Variants in ADAM10 observed in about 807,000 individuals in gnomAD.
The protein encoded by ADAM10 is ADAM metallopeptidase domain 10.
ADAM10 carries 17 observed loss-of-function variants against 90.1 expected under a neutral mutation model. The observed-to-expected ratio is 0.19, with a 90% CI of 0.13 to 0.28. The LOEUF is 0.28. Among genes scored for constraint, ADAM10 ranks in the 10% least tolerant of loss-of-function variants. ADAM10 has a pLI of 1.00. For synonymous variants in ADAM10, 310 were observed against 298.6 expected (o/e 1.04, Z -0.40); for missense variants, 610 against 914.3 (o/e 0.67, Z 4.29).
chr15:58,702,601 A>G (rs568843840), intron 2 of ADAM10, among the ~76,000 whole-genome samples: 1 of 152,216 alleles, frequency 6.6e-6, no homozygotes, highest in Non-Finnish European at 1.5e-5. Context: ...ATGTATTTAA[A>G]TTTTTTAAAA....
chr15:58,671,957 CA>C (rs552077480), intron 4 of ADAM10, among the ~76,000 whole-genome samples: 10 of 152,052 alleles, frequency 6.6e-5, no homozygotes, highest in African/African-American at 2.2e-4. Flanking sequence ...TCATACTGCA[CA>C]AGTTTTATAA....
At chr15:58,737,078 G>A (rs1899455510) in intron 1 of ADAM10, among the ~76,000 whole-genome samples, 1 of 152,040 alleles carries the variant, frequency 6.6e-6, no homozygotes, top group African/African-American at 2.4e-5. Flanking sequence ...GAGAGCTTAG[G>A]AGAGCTCTCC....
intron 15 of ADAM10, among the ~76,000 whole-genome samples, chr15:58,598,082 CTT>C (rs1376448367): frequency 2.0e-5 from 3 of 152,154 alleles, no homozygotes; most frequent in African/African-American, 2.4e-5. Flanking sequence ...TACTAAGTGT[CTT>C]TGAGCAAATG....
intron 2 of ADAM10, among the ~76,000 whole-genome samples, chr15:58,706,759 C>G (rs1287703342): frequency 6.6e-6 from 1 of 152,050 alleles, no homozygotes; most frequent in Non-Finnish European, 1.5e-5. Flanking sequence ...GCCTGTAATT[C>G]CAGAACTTTG....
chr15:58,681,350 T>C (rs966193619), intron 3 of ADAM10, among the ~76,000 whole-genome samples: 1 of 152,200 alleles, frequency 6.6e-6, no homozygotes, highest in Non-Finnish European at 1.5e-5. Flanking sequence ...AGGTTTATTC[T>C]ACAAATGAGA....
intron 2 of ADAM10, chr15:58,692,452 T>A (rs775891035): frequency 1.9e-6 from 1 of 534,790 alleles, no homozygotes; most frequent in Non-Finnish European, 3.8e-6. Context: ...GGAACCCACA[T>A]CTTCAGTCTT....
chr15:58,682,168 A>T, intron 3 of ADAM10, 28 bp downstream of exon 3: 2 of 1,606,814 alleles, frequency 1.2e-6, no homozygotes, highest in East Asian at 4.5e-5. Context: ...AAAATGGAAG[A>T]AAAGGGTTCT....
chr15:58,721,394 T>G (rs1468626406), intron 1 of ADAM10, among the ~76,000 whole-genome samples: 2 of 152,236 alleles, frequency 1.3e-5, no homozygotes, highest in African/African-American at 4.8e-5. Context: ...ATCTTAATTA[T>G]GCCTAAATAT....
chr15:58,677,765 A>C (rs1897329733), intron 4 of ADAM10, among the ~76,000 whole-genome samples: 1 of 152,204 alleles, frequency 6.6e-6, no homozygotes, highest in Admixed American at 6.5e-5. Context: ...GATTTTGATA[A>C]AACATTCTAG....
chr15:58,656,534 T>A (rs1566982787), intron 5 of ADAM10, among the ~76,000 whole-genome samples: 1 of 152,170 alleles, frequency 6.6e-6, no homozygotes, highest in Non-Finnish European at 1.5e-5. Context: ...TACCTTACAA[T>A]CCTTATTTTA....
intron 5 of ADAM10, among the ~76,000 whole-genome samples, chr15:58,659,143 C>T (rs141692019): frequency 0.027 from 4,106 of 151,942 alleles, 79 homozygotes; most frequent in Non-Finnish European, 0.042. Context: ...CGTGGTGGTG[C>T]GCACCTGTAA....
chr15:58,631,629 C>T (rs1464432971), intron 9 of ADAM10, among the ~76,000 whole-genome samples: 2 of 152,152 alleles, frequency 1.3e-5, no homozygotes, highest in Non-Finnish European at 2.9e-5. Context: ...TGTATATGCA[C>T]ATAAAAATGA....
intron 10 of ADAM10, among the ~76,000 whole-genome samples, chr15:58,622,031 A>G (rs78662594): frequency 0.013 from 2,046 of 152,320 alleles, 57 homozygotes; most frequent in African/African-American, 0.046. Flanking sequence ...CCTAAAAGTA[A>G]TAAAAGAATA....
At position 58,749,464 on chromosome 15, in the gene ADAM10, C is replaced by G. The variant is rs199858549; in HGVS notation, c.55+16G>C. On this transcript the variant is annotated intron_variant, in intron 1 of 15. Transcript: ENST00000260408. ...CCGTGGTCGCGGCGCCCCCGGCGCT[C>G]GCAGTCGTGCCTCACCTCCCATCCC... 36 of 1,530,608 alleles carry G rather than the reference C, an allele frequency of 2.4e-5. No individual in the cohort carries two copies. Among genetic ancestry groups the G allele is most frequent in the Non-Finnish European group, 3.0e-5 (34 of 1,137,326 alleles). The allele number at this position is 1,530,608 out of a possible 1,614,324, so 94.8% of individuals were successfully genotyped here.
At chr15:58,603,876 T>TATAA (rs1229663743) in intron 14 of ADAM10, among the ~76,000 whole-genome samples, 1 of 72,066 alleles carries the variant, frequency 1.4e-5, no homozygotes, top group African/African-American at 5.3e-5. Context: ...GGTCCAGGGT[T>TATAA]AAAAAAAAAA....
chr15:58,646,082 G>A lies in ADAM10; in HGVS notation c.708C>T (p.Tyr236=), dbSNP rs749743276. ...IQTDHLFFKY[Y]GTREAVIAQI... ...GGGCAATCACAGCTTCTCGTGTTCCGTAATATTTAAAGAACAAATGATCAG... is the reference window on the plus strand; with the variant it reads ...GGGCAATCACAGCTTCTCGTGTTCCATAATATTTAAAGAACAAATGATCAG... The change falls in exon 6 of 16, where the codon TAC becomes TAT. Residue 236 remains tyrosine, a synonymous_variant. Coordinates refer to ENST00000260408, the MANE Select transcript of ADAM10 (RefSeq NM_001110.4). 27 of 1,613,388 alleles carry A rather than the reference G, an allele frequency of 1.7e-5. 1 individual carries two copies. The highest frequency in any genetic ancestry group is 8.8e-5 in the South Asian group (8 of 91,084).
At chr15:58,660,620 T>C (rs1596040170) in intron 5 of ADAM10, among the ~76,000 whole-genome samples, 1 of 152,244 alleles carries the variant, frequency 6.6e-6, no homozygotes, top group South Asian at 2.1e-4. Context: ...GATTTAAACT[T>C]ACCACCTTGC....
intron 8 of ADAM10, among the ~76,000 whole-genome samples, chr15:58,634,753 C>T (rs1439993738): frequency 1.3e-5 from 2 of 152,022 alleles, no homozygotes; most frequent in African/African-American, 2.4e-5. Flanking sequence ...AATGGATAAG[C>T]GTATTACGAT....
intron 7 of ADAM10, among the ~76,000 whole-genome samples, chr15:58,641,939 CAAAAACA>C (rs1245787970): frequency 1.3e-4 from 20 of 152,092 alleles, no homozygotes. Flanking sequence ...AGCAGGGAGG[CAAAAACA>C]CCATTGAGGG....
Sources: gnomAD v4.1 joint callset for allele counts (sites outside exome capture counted in the v4.1 genomes callset) on GRCh38, gnomAD v4.1.1 for gene constraint, MANE v1.5 for transcripts, NCBI Gene and HGNC (gene_info 2026-07-23, HGNC 2026-07-21) for gene names.